ANO10: variants seen among roughly 807,000 people sequenced by gnomAD.
ANO10 encodes the protein anoctamin 10, also known as anoctamin-10.
A neutral mutation model predicts 74.7 loss-of-function variants in ANO10; 77 were observed. The ratio of observed to expected loss-of-function variants is 1.03; its 90% CI spans 0.86 to 1.25. ANO10 has a LOEUF of 1.25. ANO10 is among the 50% of genes most tolerant of loss of function. The pLI is 0.00. For synonymous variants in ANO10, 279 were observed against 284.9 expected (o/e 0.98, Z 0.21); for missense variants, 721 against 778.1 (o/e 0.93, Z 0.87).
At chr3:43,565,945 T>A (rs2080303726) in intron 7 of ANO10, among the ~76,000 whole-genome samples, 1 of 151,824 alleles carries the variant, frequency 6.6e-6, no homozygotes, top group Admixed American at 6.6e-5. Flanking sequence ...CACTAGGGAG[T>A]GCCAGACAGT....
chr3:43,663,713 G>A (rs1247682837), intron 1 of ANO10, among the ~76,000 whole-genome samples: 2 of 152,048 alleles, frequency 1.3e-5, no homozygotes, highest in South Asian at 2.1e-4. Context: ...AAATCAATGC[G>A]CAAAAATCAC....
intron 11 of ANO10, among the ~76,000 whole-genome samples, chr3:43,506,249 C>A (rs903213595): frequency 6.6e-6 from 1 of 152,082 alleles, no homozygotes; most frequent in African/African-American, 2.4e-5. Flanking sequence ...ATCTGTGATG[C>A]CTCTCTTTTG....
intron 11 of ANO10, among the ~76,000 whole-genome samples, chr3:43,526,669 T>A (rs1252589361): frequency 1.3e-5 from 2 of 152,224 alleles, no homozygotes; most frequent in African/African-American, 4.8e-5. Context: ...GTCTTATGAA[T>A]ATGTTCACTT....
At position 43,617,636 on chromosome 3, in the gene ANO10, T is replaced by C. The variant is rs560567893; in HGVS notation, c.-12+4273A>G. Among the ~76,000 whole-genome samples, 269 of 150,782 alleles carry C rather than the reference T, an allele frequency of 1.8e-3. 1 individual carries two copies. Among genetic ancestry groups the C allele is most frequent in the African/African-American group, 6.2e-3 (255 of 40,964 alleles). On this transcript the variant is annotated intron_variant, in intron 1 of 12. Transcript: ENST00000292246. ...GTTCACCATGGAGAGGTCAGGGGAG[T>C]GTGTGGAGAGTGGGGAGTTATTTTA...
At chr3:43,559,154 A>C (rs979445090) in intron 9 of ANO10, among the ~76,000 whole-genome samples, 9 of 152,178 alleles carry the variant, frequency 5.9e-5, no homozygotes. Context: ...ACCGTCCTTC[A>C]TAAAGGTTTT....
intron 1 of ANO10, among the ~76,000 whole-genome samples, chr3:43,649,832 C>A (rs1163664198): frequency 2.0e-5 from 3 of 152,176 alleles, no homozygotes; most frequent in African/African-American, 7.2e-5. Flanking sequence ...TCTGTTCAGT[C>A]ACCACTGCTG....
intron 12 of ANO10, among the ~76,000 whole-genome samples, chr3:43,391,119 A>G (rs913248553): frequency 1.3e-5 from 2 of 152,210 alleles, no homozygotes; most frequent in Non-Finnish European, 2.9e-5. Flanking sequence ...AGCTGCAGAC[A>G]TTATGCCCTT....
At chr3:43,599,893 G>A (rs867405210) in intron 3 of ANO10, among the ~76,000 whole-genome samples, 2 of 150,256 alleles carry the variant, frequency 1.3e-5, no homozygotes, top group Admixed American at 6.6e-5. Context: ...GCGACAGAGC[G>A]AGACTCTGTC....
intron 10 of ANO10, among the ~76,000 whole-genome samples, chr3:43,551,761 TTTGA>T (rs1285893588): frequency 2.6e-5 from 4 of 152,190 alleles, no homozygotes; most frequent in Admixed American, 6.5e-5. Context: ...CCTTCTTTCT[TTTGA>T]TTAATATTTC....
At chr3:43,420,724 A>C (rs2092807477) in intron 12 of ANO10, among the ~76,000 whole-genome samples, 1 of 152,188 alleles carries the variant, frequency 6.6e-6, no homozygotes, top group African/African-American at 2.4e-5. Context: ...TTTCAAAGTC[A>C]AAGGATTAGC....
intron 11 of ANO10, 111 bp downstream of exon 11, chr3:43,549,609 G>T: frequency 1.6e-6 from 2 of 1,268,394 alleles, no homozygotes; most frequent in African/African-American, 1.5e-5. Context: ...TTTCTTACCA[G>T]TAAATCCATA....
chr3:43,652,712 A>G (rs1328868741), intron 1 of ANO10, among the ~76,000 whole-genome samples: 1 of 152,172 alleles, frequency 6.6e-6, no homozygotes, highest in Admixed American at 6.5e-5. Context: ...AGTATAGTTG[A>G]ATATTTACAT....
At chr3:43,378,519 T>G (rs1004718626) in intron 12 of ANO10, among the ~76,000 whole-genome samples, 2 of 152,374 alleles carry the variant, frequency 1.3e-5, no homozygotes, top group Non-Finnish European at 1.5e-5. Context: ...TATGGCCCTT[T>G]GATAAATGCA....
chr3:43,455,880 A>C (rs971143687), intron 11 of ANO10, among the ~76,000 whole-genome samples: 2 of 152,202 alleles, frequency 1.3e-5, no homozygotes, highest in African/African-American at 4.8e-5. Context: ...TACATGACGC[A>C]GTATTTACTT....
chr3:43,491,265 G>A (rs9835793), intron 11 of ANO10, among the ~76,000 whole-genome samples: 75,085 of 151,978 alleles, frequency 0.49, 20,631 homozygotes, highest in East Asian at 0.83. Flanking sequence ...TGTAATCCCA[G>A]CACTTTGGGA....
In ANO10 at chr3:43,577,220, A is replaced by G; in HGVS notation, c.634T>C (p.Phe212Leu). 1 of 1,614,166 alleles carries G rather than the reference A, an allele frequency of 6.2e-7. No individual in the cohort carries two copies. The highest frequency in any genetic ancestry group is 8.5e-7 in the Non-Finnish European group (1 of 1,180,028). ...GYFGETIALY[F>L]GFLEYFTFAL... ...AAAGTGAAATACTCCAAAAATCCAAAGTACAGAGCAATTGTTTCCCCAAAG... is the reference window on the plus strand; with the variant it reads ...AAAGTGAAATACTCCAAAAATCCAAGGTACAGAGCAATTGTTTCCCCAAAG... Residue 212 changes from phenylalanine to leucine, a missense_variant, in exon 6 of 13, where the codon TTT (phenylalanine) becomes CTT (leucine). Coordinates refer to ENST00000292246, the MANE Select transcript of ANO10 (RefSeq NM_018075.5).
rs576185073 is a variant in ANO10 at position 43,659,832 on chromosome 3, G to A, written c.-12+31685C>T. Among the ~76,000 whole-genome samples, 211 of 152,240 alleles carry A rather than the reference G, an allele frequency of 1.4e-3. 1 individual carries two copies. The highest frequency in any genetic ancestry group is 2.7e-3 in the Non-Finnish European group (183 of 68,024). On this transcript the variant is annotated intron_variant, in intron 1 of 3. Transcript: ENST00000413397. ...TGGAAGATGCCTCCCAGTAGGGGCC[G>A]ACAAACACCTCATACAACCAGATGC...
intron 9 of ANO10, among the ~76,000 whole-genome samples, chr3:43,556,348 C>T (rs146662459): frequency 1.3e-5 from 2 of 152,228 alleles, no homozygotes; most frequent in East Asian, 3.9e-4. Context: ...CTCAGGTGTG[C>T]TATTGGGAAG....
chr3:43,607,783 A>G (rs1266641393), intron 1 of ANO10, among the ~76,000 whole-genome samples: 1 of 152,222 alleles, frequency 6.6e-6, no homozygotes, highest in African/African-American at 2.4e-5. Context: ...AAAAGACAAG[A>G]TTGATAATTT....
Sources: gnomAD v4.1 joint callset for allele counts (sites outside exome capture counted in the v4.1 genomes callset) on GRCh38, gnomAD v4.1.1 for gene constraint, MANE v1.5 for transcripts, NCBI Gene and HGNC (gene_info 2026-07-23, HGNC 2026-07-21) for gene names.